PCMT1: variants seen among roughly 807,000 people sequenced by gnomAD.
PCMT1 encodes protein-L-isoaspartate (D-aspartate) O-methyltransferase.
Under a neutral mutation model 29.2 loss-of-function variants are expected in PCMT1, and 9 were observed. The observed-to-expected ratio is 0.31, with a 90% CI of 0.19 to 0.54. The LOEUF is 0.54. PCMT1 is among the 20% of genes least tolerant of loss of function. The pLI is 0.95. For missense variants in PCMT1, 184 were observed against 282.2 expected, an observed-to-expected ratio of 0.65 and a Z score of 2.49; for synonymous variants, 98 against 97.5, an observed-to-expected ratio of 1.00 and a Z score of -0.03.
intron 6 of PCMT1, chr6:149,797,791 T>C (rs1788674989): frequency 6.6e-6 from 1 of 152,110 alleles, no homozygotes; most frequent in South Asian, 2.1e-4. Flanking sequence ...AAGATGAAAG[T>C]TGTATAATTT....
chr6:149,758,664 A>G (rs894952739), intron 1 of PCMT1, among the ~76,000 whole-genome samples: 1 of 152,160 alleles, frequency 6.6e-6, no homozygotes, highest in African/African-American at 2.4e-5. Flanking sequence ...TAGAGATGTA[A>G]AGGAATCCAA....
At chr6:149,750,027 T>A in intron 1 of PCMT1, 71 bp downstream of exon 1, 1 of 1,506,608 alleles carries the variant, frequency 6.6e-7, no homozygotes, top group Non-Finnish European at 8.9e-7. Context: ...CCCTGGGCCG[T>A]CCGGAACGTT....
chr6:149,770,589 G>A (rs1448797448), intron 1 of PCMT1, among the ~76,000 whole-genome samples: 3 of 150,222 alleles, frequency 2.0e-5, no homozygotes, highest in East Asian at 3.9e-4. Flanking sequence ...ACCTGTAGTC[G>A]CAGCTACTTG....
intron 4 of PCMT1, 84 bp from the exon 5 acceptor site, chr6:149,793,465 A>G: frequency 8.1e-7 from 1 of 1,238,278 alleles, no homozygotes; most frequent in South Asian, 2.8e-5. Context: ...GTAGAATATG[A>G]CTTTCGATAA....
intron 7 of PCMT1, among the ~76,000 whole-genome samples, chr6:149,803,052 C>CAAAAAAAAAAAAAAA (rs60853264): frequency 1.4e-5 from 1 of 70,570 alleles, no homozygotes; most frequent in Non-Finnish European, 2.8e-5. Flanking sequence ...GGCTCTGTCT[C>CAAAAAAAAAAAAAAA]AAAAAAAAAA....
rs750160999 is a variant in PCMT1, at chr6:149,749,745, TGGCGGCAGC to T, written c.-150_-142del. 11 of 1,546,016 alleles carry T rather than the reference TGGCGGCAGC, an allele frequency of 7.1e-6. No individual in the cohort carries two copies. The highest frequency in any genetic ancestry group is 9.6e-6 in the Non-Finnish European group (11 of 1,144,716). Reference sequence around the variant, plus strand: ...CGCGGGGGATGCCGGGAGCGCGCAGTGGCGGCAGCGGCGGCGACGGCAGTAACAGCGGCA... The same window carrying T: ...CGCGGGGGATGCCGGGAGCGCGCAGTGGCGGCGACGGCAGTAACAGCGGCA... On this transcript the variant is annotated 5_prime_UTR_variant, in exon 1 of 8. Transcript: ENST00000464889.
intron 2 of PCMT1, 47 bp from the exon 3 acceptor site, chr6:149,773,091 A>C (rs376494621): frequency 2.8e-6 from 4 of 1,450,920 alleles, no homozygotes; most frequent in Non-Finnish European, 3.8e-6. Flanking sequence ...GTGAAATAGT[A>C]TATTTTTACA....
rs569791000 is a variant in PCMT1 at position 149,784,535 on chromosome 6, A to G, written c.193-5419A>G. Among the ~76,000 whole-genome samples the G allele has an allele frequency of 2.6e-4, 39 of 151,976 alleles. No homozygotes were observed. The South Asian group carries it at 7.9e-3, about 31-fold the overall frequency. On this transcript the variant is annotated intron_variant, in intron 3 of 7. Coordinates refer to ENST00000464889, the MANE Select transcript of PCMT1 (RefSeq NM_001360452.2). ...GCCCAGGCTGGAATGTAGTAGCGCA[A>G]TCTCAGCTCACTGCGGCCTGCTGGG...
intron 3 of PCMT1, among the ~76,000 whole-genome samples, chr6:149,780,672 TG>T (rs1275184664): frequency 6.6e-6 from 1 of 152,226 alleles, no homozygotes; most frequent in Non-Finnish European, 1.5e-5. Context: ...TGATCCCTGT[TG>T]TAGTGTGAAT....
chr6:149,773,071 A>G (rs899251617), intron 2 of PCMT1, 67 bp from the exon 3 acceptor site: 22 of 1,264,196 alleles, frequency 1.7e-5, no homozygotes, highest in South Asian at 1.4e-4. Flanking sequence ...GATGGTAGAA[A>G]AGAAATTATG....
At chr6:149,802,619 G>GT (rs370217600) in intron 7 of PCMT1, 256,687 of 588,314 alleles carry the variant, frequency 0.44, 64,013 homozygotes, top group African/African-American at 0.81. Context: ...TTTTTTGTTT[G>GT]TTTGTTTGTT....
intron 1 of PCMT1, among the ~76,000 whole-genome samples, chr6:149,766,219 A>G (rs891484539): frequency 6.6e-6 from 1 of 152,080 alleles, no homozygotes; most frequent in Admixed American, 6.6e-5. Flanking sequence ...TCCTTTGCCA[A>G]CATATCCCTG....
chr6:149,787,711 T>G (rs1788180930), intron 3 of PCMT1, among the ~76,000 whole-genome samples: 1 of 152,070 alleles, frequency 6.6e-6, no homozygotes. Context: ...AGAAATATTA[T>G]GCAGATAGTA....
chr6:149,765,980 A>T (rs34671400), intron 1 of PCMT1, among the ~76,000 whole-genome samples: 5,049 of 145,136 alleles, frequency 0.035, 405 homozygotes, highest in East Asian at 0.32. Context: ...AAAAAAATAA[A>T]TTTTTTTTTT....
intron 1 of PCMT1, chr6:149,765,706 C>G (rs1418364015): frequency 2.9e-6 from 1 of 349,670 alleles, no homozygotes; most frequent in Non-Finnish European, 5.4e-6. Context: ...ATGGCTCATA[C>G]CTGTAATACC....
In PCMT1 at chr6:149,758,939, C is replaced by T. The variant is rs543217466; in HGVS notation, c.55+8983C>T. Among the ~76,000 whole-genome samples, 485 of 152,088 alleles carry T rather than the reference C, an allele frequency of 3.2e-3. 1 individual carries two copies. Among genetic ancestry groups the T allele is most frequent in the Non-Finnish European group, 5.0e-3 (338 of 67,988 alleles). ...TTGCCCAGGCTAGAGTGCAATGGCG[C>T]GATCTCGGCTCACGACAACCTCCAC... On this transcript the variant is annotated intron_variant, in intron 1 of 7. Transcript: ENST00000464889.
intron 4 of PCMT1, among the ~76,000 whole-genome samples, chr6:149,792,271 C>T (rs1327955918): frequency 4.6e-5 from 7 of 151,654 alleles, no homozygotes; most frequent in Non-Finnish European, 7.4e-5. Context: ...GCTGAGATCA[C>T]GCCACTGTAC....
chr6:149,765,277 G>C (rs899101155), intron 1 of PCMT1, among the ~76,000 whole-genome samples: 1 of 141,258 alleles, frequency 7.1e-6, no homozygotes, highest in Non-Finnish European at 1.5e-5. Flanking sequence ...GGAGAATGGC[G>C]TGAACCCGGG....
Position 149,779,172 on chromosome 6 carries a change from T to G in PCMT1, c.192+6003T>G, listed in dbSNP as rs1336067585. On this transcript the variant is annotated intron_variant, in intron 3 of 7. Transcript: ENST00000464889. Reference sequence around the variant, plus strand: ...CCTTGAGGCACAGCGAGTTCTTGCTTCCCTCCCTAGCTCGGCTGTAAAGTC... The same window carrying G: ...CCTTGAGGCACAGCGAGTTCTTGCTGCCCTCCCTAGCTCGGCTGTAAAGTC... Among the ~76,000 whole-genome samples, 11 of 152,156 alleles carry G rather than the reference T, an allele frequency of 7.2e-5. No homozygotes were observed. The South Asian group carries it at 2.1e-3, about 29-fold the overall frequency.
Sources: allele counts gnomAD v4.1 joint callset (sites outside exome capture counted in the v4.1 genomes callset), GRCh38; gene constraint gnomAD v4.1.1; transcripts MANE v1.5; gene names NCBI Gene and HGNC (gene_info 2026-07-23, HGNC 2026-07-21).